Variants in FLT1 observed in about 807,000 individuals in gnomAD.
FLT1 encodes the protein vascular endothelial growth factor receptor 1.
In FLT1, 49 loss-of-function variants were observed where a neutral mutation model predicts 156.3. That is an observed-to-expected ratio of 0.31 (90% CI 0.25 to 0.40). The LOEUF (loss-of-function observed/expected upper bound fraction) is 0.40. FLT1 is among the 10% of genes least tolerant of loss of function. FLT1 has a pLI of 1.00. For synonymous variants in FLT1, 594 were observed against 583.8 expected, an observed-to-expected ratio of 1.02 and a Z score of -0.25; for missense variants, 1,322 against 1,637.2, an observed-to-expected ratio of 0.81 and a Z score of 3.32.
At chr13:28,387,414 G>C (rs552506288) in intron 13 of FLT1, 1 of 1,054,688 alleles carries the variant, frequency 9.5e-7, no homozygotes, top group African/African-American at 1.7e-5. Context: ...CCCATATTTC[G>C]AAACCTAAGT....
chr13:28,337,079 C>G (rs915784817), intron 17 of FLT1, among the ~76,000 whole-genome samples: 7 of 152,028 alleles, frequency 4.6e-5, no homozygotes, highest in African/African-American at 1.7e-4. Flanking sequence ...TATATAGGAG[C>G]TGAATTATCT....
intron 11 of FLT1, among the ~76,000 whole-genome samples, chr13:28,404,992 C>T (rs1401223118): frequency 1.3e-5 from 2 of 150,472 alleles, no homozygotes; most frequent in African/African-American, 4.9e-5. Context: ...CGCACTCCAG[C>T]CTGGGTGACA....
intron 20 of FLT1, among the ~76,000 whole-genome samples, chr13:28,323,253 C>T (rs543119746): frequency 6.6e-6 from 1 of 152,036 alleles, no homozygotes; most frequent in Non-Finnish European, 1.5e-5. Flanking sequence ...GCTTTAGGTA[C>T]ATTTCTTGTT....
intron 10 of FLT1, among the ~76,000 whole-genome samples, chr13:28,421,552 G>A (rs1877003515): frequency 6.6e-6 from 1 of 151,560 alleles, no homozygotes; most frequent in African/African-American, 2.4e-5. Flanking sequence ...TTTCCTTACT[G>A]GGCCCTTATT....
chr13:28,438,714 C>T (rs1878176983), intron 3 of FLT1, among the ~76,000 whole-genome samples: 1 of 152,200 alleles, frequency 6.6e-6, no homozygotes, highest in African/African-American at 2.4e-5. Flanking sequence ...TCAGGAAGCG[C>T]CCTCCAGAGC....
At chr13:28,384,788 G>C in intron 14 of FLT1, 97 bp downstream of exon 14, 1 of 1,152,222 alleles carries the variant, frequency 8.7e-7, no homozygotes, top group South Asian at 1.2e-5. Flanking sequence ...CAGCAAGTAG[G>C]TCTATACATA....
intron 1 of FLT1, among the ~76,000 whole-genome samples, chr13:28,474,804 T>C (rs1015833743): frequency 1.3e-5 from 2 of 152,210 alleles, no homozygotes; most frequent in Non-Finnish European, 1.5e-5. Context: ...TTAATATTCT[T>C]GTCTCTTACA....
intron 3 of FLT1, among the ~76,000 whole-genome samples, chr13:28,464,825 G>A (rs1380326310): frequency 6.6e-6 from 1 of 152,136 alleles, no homozygotes; most frequent in African/African-American, 2.4e-5. Context: ...GAAAATAGCT[G>A]AACACTATTT....
At chr13:28,306,910 G>A in intron 28 of FLT1, 138 bp from the exon 29 acceptor site, 1 of 690,000 alleles carries the variant, frequency 1.4e-6, no homozygotes, top group South Asian at 1.5e-5. Context: ...TTGAGACAAA[G>A]CATTTCTCTA....
At chr13:28,378,336 C>T (rs983407721) in intron 14 of FLT1, among the ~76,000 whole-genome samples, 15 of 152,108 alleles carry the variant, frequency 9.9e-5, no homozygotes, top group Admixed American at 1.3e-4. Flanking sequence ...CATGAGCCAG[C>T]GTGCCTGACC....
At chr13:28,311,832 G>T in intron 26 of FLT1, 100 bp from the exon 27 acceptor site, 1 of 1,394,110 alleles carries the variant, frequency 7.2e-7, no homozygotes, top group South Asian at 1.2e-5. Flanking sequence ...GCACAATCTT[G>T]GTTGTGTTTT....
Position 28,438,363 on chromosome 13 carries a change from G to GA in FLT1, c.389-19dup, listed in dbSNP as rs748472711. The GA allele has an allele frequency of 7.5e-6, 12 of 1,594,194 alleles. No individual in the cohort carries two copies. Among genetic ancestry groups the GA allele is most frequent in the Middle Eastern group, 1.7e-4 (1 of 6,022 alleles). On this transcript the variant is annotated intron_variant, in intron 3 of 29. Coordinates refer to ENST00000282397, the MANE Select transcript of FLT1 (RefSeq NM_002019.4). ...ACCTGTATCTGAATGAGAAGAAAAT[G>GA]AAAAAAATATATACATAAATGATTG...
At chr13:28,369,200 A>G (rs1360959692) in intron 14 of FLT1, among the ~76,000 whole-genome samples, 1 of 152,164 alleles carries the variant, frequency 6.6e-6, no homozygotes, top group Non-Finnish European at 1.5e-5. Context: ...ACATAAATTC[A>G]AGTTGAGTAA....
intron 10 of FLT1, among the ~76,000 whole-genome samples, chr13:28,425,732 T>A (rs1484801370): frequency 6.6e-6 from 1 of 152,204 alleles, no homozygotes; most frequent in Non-Finnish European, 1.5e-5. Context: ...TTATTTAGTT[T>A]TTTTTTTATT....
At chr13:28,362,247 T>G (rs1464462002) in intron 14 of FLT1, among the ~76,000 whole-genome samples, 1 of 152,200 alleles carries the variant, frequency 6.6e-6, no homozygotes, top group Non-Finnish European at 1.5e-5. Context: ...ACTTAATCTT[T>G]TTGGGGCAAG....
At chr13:28,350,305 G>T (rs1872699580) in intron 15 of FLT1, among the ~76,000 whole-genome samples, 1 of 152,182 alleles carries the variant, frequency 6.6e-6, no homozygotes, top group Admixed American at 6.5e-5. Context: ...AAGAGTGTAT[G>T]TTAACTGTAT....
At position 28,434,062 on chromosome 13, in the gene FLT1, T is replaced by C; in HGVS notation, c.672A>G (p.Arg224=). The C allele has an allele frequency of 3.7e-6, 6 of 1,614,216 alleles. No homozygotes were observed. The highest frequency in any genetic ancestry group is 5.1e-6 in the Non-Finnish European group (6 of 1,180,024). The change falls in exon 5 of 30, where the codon CGA becomes CGG. Residue 224 remains arginine, a synonymous_variant. Coordinates refer to ENST00000282397, the MANE Select transcript of FLT1 (RefSeq NM_002019.4). ...TGCCTTTGAAGCATCACTTACTTTG[T>C]CGATGTGTGAGATAGTTTGTCTTAT... is the stretch of plus-strand genomic sequence containing the variant. ...HLYKTNYLTH[R]QTNTIIDVQI... is the part of the protein sequence containing the mutation.
At chr13:28,464,024 T>C (rs1593822602) in intron 3 of FLT1, among the ~76,000 whole-genome samples, 1 of 149,176 alleles carries the variant, frequency 6.7e-6, no homozygotes, top group South Asian at 2.2e-4. Context: ...TTAAATTAAT[T>C]AGCAAACAAG....
intron 16 of FLT1, among the ~76,000 whole-genome samples, chr13:28,339,749 T>C (rs1236930148): frequency 6.6e-6 from 1 of 152,074 alleles, no homozygotes; most frequent in Non-Finnish European, 1.5e-5. Flanking sequence ...TTTCTACATA[T>C]ATAGGAAAAG....
Sources: allele counts gnomAD v4.1 joint callset (sites outside exome capture counted in the v4.1 genomes callset), GRCh38; gene constraint gnomAD v4.1.1; transcripts MANE v1.5; gene names NCBI Gene and HGNC (gene_info 2026-07-23, HGNC 2026-07-21).